The following NFASC variants were observed in gnomAD, a reference collection of about 807,000 sequenced individuals.
The protein encoded by NFASC is neurofascin.
In NFASC, 43 loss-of-function variants were observed where a neutral mutation model predicts 147.5. That is an observed-to-expected ratio of 0.29 (90% CI 0.23 to 0.38). The LOEUF is 0.38. Ranked by LOEUF, NFASC falls within the 10% of genes least tolerant of loss-of-function variation. The pLI, the probability that NFASC is intolerant of heterozygous loss-of-function variation, is 1.00. For synonymous variants in NFASC, 622 were observed against 665.5 expected, an observed-to-expected ratio of 0.93 and a Z score of 1.01; for missense variants, 1,320 against 1,689.0, an observed-to-expected ratio of 0.78 and a Z score of 3.83.
chr1:204,831,166 G>T (rs971105654), intron 1 of NFASC, among the ~76,000 whole-genome samples: 1 of 152,098 alleles, frequency 6.6e-6, no homozygotes, highest in Non-Finnish European at 1.5e-5. Flanking sequence ...TGAAGTGGGG[G>T]ATTCTAATAA....
At chr1:204,933,405 C>G (rs945278342) in intron 2 of NFASC, among the ~76,000 whole-genome samples, 3 of 152,104 alleles carry the variant, frequency 2.0e-5, no homozygotes, top group Non-Finnish European at 2.9e-5. Context: ...TCCCAGGTGT[C>G]TGGCTTGAAT....
intron 20 of NFASC, 44 bp from the exon 21 acceptor site, chr1:204,981,754 C>T (rs2095513934): frequency 1.5e-6 from 2 of 1,309,972 alleles, no homozygotes; most frequent in Non-Finnish European, 1.0e-6. Context: ...TGGATCTGGG[C>T]CCCTCTCTGG....
At chr1:204,915,627 A>G (rs1397876908) in intron 1 of NFASC, among the ~76,000 whole-genome samples, 2 of 152,228 alleles carry the variant, frequency 1.3e-5, no homozygotes, top group Non-Finnish European at 2.9e-5. Flanking sequence ...CTATTCAAAA[A>G]GTAAGTAAAA....
intron 2 of NFASC, among the ~76,000 whole-genome samples, chr1:204,934,757 G>A (rs145270133): frequency 2.0e-5 from 3 of 152,318 alleles, no homozygotes; most frequent in East Asian, 1.9e-4. Flanking sequence ...TAAACCAGTC[G>A]TGGTGGTGAC....
At chr1:204,998,962 C>T (rs1489357069) in intron 25 of NFASC, 1 of 152,096 alleles carries the variant, frequency 6.6e-6, no homozygotes, top group Non-Finnish European at 1.5e-5. Context: ...TGGGAACACC[C>T]CTCAACCATC....
chr1:204,997,257 C>G lies in NFASC; in HGVS notation c.2870C>G (p.Ala957Gly), dbSNP rs2095864473. The G allele has an allele frequency of 1.9e-6, 3 of 1,613,804 alleles. No homozygotes were observed. In the Admixed American group the frequency reaches 5.0e-5, roughly 27 times the overall value. Reference protein sequence around the residue: ...DATAIAATTEATTVPIIPTVA... With the variant: ...DATAIAATTEGTTVPIIPTVA... ...ACTGCCATTGCTGCCACCACCGAAGCCACAACAGTCCCCATCATCCCAACT... is the reference window on the plus strand; with the variant it reads ...ACTGCCATTGCTGCCACCACCGAAGGCACAACAGTCCCCATCATCCCAACT... The change falls in exon 25 of 30, where the codon GCC (alanine) becomes GGC (glycine). Residue 957 changes from alanine (A) to glycine (G), a missense_variant. Ala to Gly is a moderately conservative substitution (Grantham distance 60). Coordinates refer to ENST00000339876, the MANE Select transcript of NFASC (RefSeq NM_001005388.3).
In NFASC at chr1:204,934,775, G is replaced by T. The variant is rs186028954; in HGVS notation, c.-90-9451G>T. On this transcript the variant is annotated intron_variant, in intron 2 of 29. Transcript: ENST00000339876. The stretch of plus-strand genomic sequence containing the variant: ...ACCAGTCGTGGTGGTGACAGGCTAG[G>T]AGATGGTAATTGGCTTAAACTAATC... Among the ~76,000 whole-genome samples the T allele has an allele frequency of 2.7e-3, 409 of 152,368 alleles. 1 individual carries two copies. Among genetic ancestry groups the T allele is most frequent in the African/African-American group, 9.4e-3 (392 of 41,594 alleles).
chr1:204,920,579 T>C (rs987207901), intron 1 of NFASC, 53 bp from the exon 2 acceptor site: 18 of 914,732 alleles, frequency 2.0e-5, no homozygotes, highest in African/African-American at 1.4e-4. Context: ...CTTTTTTTTT[T>C]CTTCCTTTCT....
At chr1:205,006,441 G>T (rs561534354) in intron 27 of NFASC, among the ~76,000 whole-genome samples, 1 of 152,384 alleles carries the variant, frequency 6.6e-6, no homozygotes, top group Admixed American at 6.5e-5. Context: ...GGAGCAAGGG[G>T]AGATTCAGGG....
chr1:204,852,043 G>A (rs2075744255), intron 1 of NFASC, among the ~76,000 whole-genome samples: 1 of 152,202 alleles, frequency 6.6e-6, no homozygotes. Context: ...TTAGAAACAG[G>A]ATTAGACACA....
chr1:204,849,529 A>T (rs749174818), intron 1 of NFASC, among the ~76,000 whole-genome samples: 1 of 152,182 alleles, frequency 6.6e-6, no homozygotes, highest in African/African-American at 2.4e-5. Flanking sequence ...ACAGGTTCAC[A>T]GGTTCTGCTG....
chr1:204,834,174 C>G (rs76585938), intron 1 of NFASC, among the ~76,000 whole-genome samples: 2 of 152,034 alleles, frequency 1.3e-5, no homozygotes, highest in African/African-American at 2.4e-5. Context: ...CACCCTCCCC[C>G]CACCTTCTCC....
Position 205,021,209 on chromosome 1 carries a change from G to C in NFASC, c.*4670G>C, listed in dbSNP as rs1470661529. The C allele has an allele frequency of 6.6e-6, 1 of 152,546 alleles. No homozygotes were observed. The highest frequency in any genetic ancestry group is 1.5e-5 in the Non-Finnish European group (1 of 68,088). 9.4% of individuals were successfully genotyped at this position (152,546 alleles called of 1,614,324 possible). The stretch of plus-strand genomic sequence containing the variant: ...TGAGTCCAAGCCAGACTTTGTGGCT[G>C]TCCCCAGCCTGCACAGCCCAAGCCC... On this transcript the variant is annotated 3_prime_UTR_variant, in exon 30 of 30. Coordinates refer to ENST00000339876, the MANE Select transcript of NFASC (RefSeq NM_001005388.3).
chr1:204,983,905 C>T (rs1283312227), intron 21 of NFASC: 1 of 665,374 alleles, frequency 1.5e-6, no homozygotes, highest in Non-Finnish European at 2.8e-6. Flanking sequence ...GGAGATATGG[C>T]CCCTGCCCTC....
intron 27 of NFASC, among the ~76,000 whole-genome samples, chr1:205,005,994 A>G (rs2096100138): frequency 6.6e-6 from 1 of 152,226 alleles, no homozygotes; most frequent in South Asian, 2.1e-4. Flanking sequence ...CATCAGAACA[A>G]GCACCAGGAA....
At position 204,986,396 on chromosome 1, in the gene NFASC, G is replaced by A. The variant is rs577975245; in HGVS notation, c.2471-1022G>A. Among the ~76,000 whole-genome samples the A allele has an allele frequency of 3.3e-5, 5 of 152,314 alleles. No individual in the cohort carries two copies. The highest frequency in any genetic ancestry group is 1.9e-4 in the East Asian group (1 of 5,180). On this transcript the variant is annotated intron_variant, in intron 21 of 29. Transcript: ENST00000339876. This position sits in a 1 kb window ranked among gnomAD's most constrained non-coding sequence, Gnocchi z 4.2. ...CAGACTGATCCCCGAGGGCACGGCG[G>A]GCACCTGGGCCACCCCACCACCTTC...
At chr1:204,985,904 C>T (rs1430105897) in intron 21 of NFASC, 1 of 1,608,822 alleles carries the variant, frequency 6.2e-7, no homozygotes, top group African/African-American at 1.3e-5. Flanking sequence ...TGCCTCTGTC[C>T]CGAAGGCCTA....
intron 2 of NFASC, among the ~76,000 whole-genome samples, chr1:204,926,406 A>T (rs58128713): frequency 0.019 from 266 of 13,872 alleles, 1 homozygote; most frequent in African/African-American, 0.031. Flanking sequence ...ATATATATAT[A>T]TTTTTTTTTT....
intron 2 of NFASC, among the ~76,000 whole-genome samples, chr1:204,932,208 G>A (rs1344520499): frequency 1.3e-5 from 2 of 152,180 alleles, no homozygotes; most frequent in Non-Finnish European, 2.9e-5. Context: ...TTGTCAGGAA[G>A]GAATGCACTA....
Sources: allele counts gnomAD v4.1 joint callset (sites outside exome capture counted in the v4.1 genomes callset), GRCh38; gene constraint gnomAD v4.1.1; non-coding constraint Gnocchi (gnomAD v3.1); transcripts MANE v1.5; gene names NCBI Gene and HGNC (gene_info 2026-07-23, HGNC 2026-07-21).